TMEM108: variants seen among roughly 807,000 people sequenced by gnomAD.
The protein encoded by TMEM108 is cancer/testis antigen 124.
A neutral mutation model predicts 35.1 loss-of-function variants in TMEM108; 12 were observed. The observed-to-expected ratio is 0.34, with a 90% CI of 0.22 to 0.55. The LOEUF (loss-of-function observed/expected upper bound fraction) is 0.55, where lower values mean the gene tolerates loss of function less well. Among genes scored for constraint, TMEM108 ranks in the 20% least tolerant of loss-of-function variants. The probability of loss-of-function intolerance (pLI) is 0.89; values close to 1 mark genes in which losing one functional copy is unlikely to be tolerated. For missense variants in TMEM108, 680 were observed against 753.3 expected (o/e 0.90, Z 1.14); for synonymous variants, 287 against 308.6 (o/e 0.93, Z 0.73).
Position 133,191,287 on chromosome 3 carries a change from G to C in TMEM108, c.-46-37979G>C, listed in dbSNP as rs945695428. On this transcript the variant is annotated intron_variant, in intron 2 of 5. Transcript: ENST00000321871. ...AGTCCCCTCCAGAGCCTTAATACCA[G>C]GTTTTCAATTCACCAAGTTTTCTCT... 2.6e-5 allele frequency among the ~76,000 whole-genome samples: 4 copies of C among 152,000 alleles called. No individual in the cohort carries two copies. The East Asian group carries it at 5.8e-4, about 22-fold the overall frequency.
At chr3:133,052,584 G>T (rs1163500466) in intron 2 of TMEM108, among the ~76,000 whole-genome samples, 1 of 140,928 alleles carries the variant, frequency 7.1e-6, no homozygotes, top group Admixed American at 7.3e-5. Context: ...TCCCTGCTTT[G>T]TTCCTGATCT....
intron 2 of TMEM108, among the ~76,000 whole-genome samples, chr3:133,093,568 C>T (rs183722453): frequency 2.2e-4 from 34 of 152,270 alleles, no homozygotes; most frequent in African/African-American, 7.7e-4. Flanking sequence ...AAAATAGAAG[C>T]ATTACATCAG....
At chr3:133,039,803 A>T (rs911497507) in intron 1 of TMEM108, among the ~76,000 whole-genome samples, 2 of 152,164 alleles carry the variant, frequency 1.3e-5, no homozygotes, top group Non-Finnish European at 2.9e-5. Context: ...AGACATCCTG[A>T]TACCTTCAAA....
chr3:133,194,744 T>G (rs1040339181), intron 2 of TMEM108, among the ~76,000 whole-genome samples: 4 of 152,196 alleles, frequency 2.6e-5, no homozygotes, highest in African/African-American at 9.6e-5. Flanking sequence ...TAGATCTCCT[T>G]CCTGGTTTTA....
At chr3:133,190,706 T>C (rs1945485204) in intron 2 of TMEM108, among the ~76,000 whole-genome samples, 1 of 152,192 alleles carries the variant, frequency 6.6e-6, no homozygotes, top group African/African-American at 2.4e-5. Flanking sequence ...CCATATCTCT[T>C]CAGTAAAGCA....
chr3:133,231,604 G>A (rs567078043), intron 3 of TMEM108, among the ~76,000 whole-genome samples: 14 of 152,210 alleles, frequency 9.2e-5, no homozygotes, highest in African/African-American at 2.6e-4. Flanking sequence ...AGAATAATAC[G>A]CATGCCACAT....
At chr3:133,085,752 A>G (rs1161200473) in intron 2 of TMEM108, among the ~76,000 whole-genome samples, 1 of 150,384 alleles carries the variant, frequency 6.6e-6, no homozygotes, top group Non-Finnish European at 1.5e-5. Context: ...CTTTTTTGTA[A>G]TAATTACTTT....
chr3:133,181,951 G>A (rs923563389), intron 2 of TMEM108, among the ~76,000 whole-genome samples: 2 of 152,170 alleles, frequency 1.3e-5, no homozygotes, highest in Non-Finnish European at 2.9e-5. Flanking sequence ...ATTCAGAGAG[G>A]TCTCTTTGCC....
intron 2 of TMEM108, among the ~76,000 whole-genome samples, chr3:133,178,317 T>C (rs1413823635): frequency 6.6e-6 from 1 of 151,266 alleles, no homozygotes; most frequent in Non-Finnish European, 1.5e-5. Context: ...AAACTAAAGT[T>C]CATATGGAAC....
At chr3:133,062,038 A>G (rs1026024952) in intron 2 of TMEM108, among the ~76,000 whole-genome samples, 3 of 152,248 alleles carry the variant, frequency 2.0e-5, no homozygotes, top group South Asian at 2.1e-4. Context: ...AAAACGTGCA[A>G]TTTAAATCTG....
intron 2 of TMEM108, among the ~76,000 whole-genome samples, chr3:133,077,782 A>G (rs1943759560): frequency 6.6e-6 from 1 of 152,098 alleles, no homozygotes; most frequent in South Asian, 2.1e-4. Flanking sequence ...TACAGGAGAG[A>G]TGGTCCATTC....
chr3:133,123,087 G>A (rs1191245866), intron 2 of TMEM108, among the ~76,000 whole-genome samples: 1 of 152,086 alleles, frequency 6.6e-6, no homozygotes, highest in African/African-American at 2.4e-5. Context: ...ATGCTTACAT[G>A]TGTATGTACG....
intron 2 of TMEM108, among the ~76,000 whole-genome samples, chr3:133,208,214 C>G (rs907519330): frequency 6.6e-6 from 1 of 152,164 alleles, no homozygotes; most frequent in Non-Finnish European, 1.5e-5. Flanking sequence ...GAGGTAGAAC[C>G]TGATCATTTT....
chr3:133,148,150 T>C (rs1944748128), intron 2 of TMEM108, among the ~76,000 whole-genome samples: 1 of 152,226 alleles, frequency 6.6e-6, no homozygotes, highest in Non-Finnish European at 1.5e-5. Context: ...GATTTTGGTT[T>C]CTGAATATCA....
Position 133,353,377 on chromosome 3 carries a change from C to CA in TMEM108, c.41-26374dup, listed in dbSNP as rs557260219. Among the ~76,000 whole-genome samples the CA allele has an allele frequency of 2.6e-3, 399 of 152,292 alleles. 7 individuals are homozygous for CA. The highest frequency in any genetic ancestry group is 9.3e-3 in the African/African-American group (387 of 41,562). ...TTTGTAAGAATTCCTTAAATAGAAG[C>CA]ATATGCAGTATACTACTGGTCTTCC... On this transcript the variant is annotated intron_variant, in intron 3 of 5. Transcript: ENST00000321871.
chr3:133,093,685 G>A (rs1943976218), intron 2 of TMEM108, among the ~76,000 whole-genome samples: 3 of 152,204 alleles, frequency 2.0e-5, no homozygotes, highest in Non-Finnish European at 4.4e-5. Flanking sequence ...ATGACTTACT[G>A]GGTGGAAGAA....
chr3:133,134,354 C>CT (rs1169226492), intron 2 of TMEM108, among the ~76,000 whole-genome samples: 1 of 151,792 alleles, frequency 6.6e-6, no homozygotes, highest in African/African-American at 2.4e-5. Flanking sequence ...TTTTACTGAC[C>CT]TTTTTTTATC....
chr3:133,184,461 C>T (rs1261482382), intron 2 of TMEM108, among the ~76,000 whole-genome samples: 2 of 152,094 alleles, frequency 1.3e-5, no homozygotes, highest in Non-Finnish European at 2.9e-5. Context: ...GGGCAAAGAA[C>T]TCTTTAAGAT....
chr3:133,249,475 A>G (rs1946435231), intron 3 of TMEM108, among the ~76,000 whole-genome samples: 1 of 152,202 alleles, frequency 6.6e-6, no homozygotes, highest in Non-Finnish European at 1.5e-5. Context: ...TCCACCTTCC[A>G]GTAGTCTCCA....
Sources: gnomAD v4.1 joint callset for allele counts (sites outside exome capture counted in the v4.1 genomes callset) on GRCh38, gnomAD v4.1.1 for gene constraint, MANE v1.5 for transcripts, NCBI Gene and HGNC (gene_info 2026-07-23, HGNC 2026-07-21) for gene names.